STK32B: variants seen among roughly 807,000 people sequenced by gnomAD.
The protein encoded by STK32B is serine/threonine-protein kinase 32B.
STK32B carries 43 observed loss-of-function variants against 52.6 expected under a neutral mutation model. The ratio of observed to expected loss-of-function variants is 0.82; its 90% CI spans 0.64 to 1.05. STK32B has a LOEUF of 1.05. Ranked by LOEUF, STK32B falls within the 50% of genes least tolerant of loss-of-function variation. The pLI is 0.00. For missense variants in STK32B, 621 were observed against 534.6 expected (o/e 1.16, Z -1.59); for synonymous variants, 238 against 204.3 (o/e 1.17, Z -1.41).
chr4:5,263,186 AAG>A (rs1422292356), intron 3 of STK32B, among the ~76,000 whole-genome samples: 1 of 142,800 alleles, frequency 7.0e-6, no homozygotes, highest in Non-Finnish European at 1.5e-5. Context: ...GCAGTGAAAA[AAG>A]AGGGACCTCT....
intron 4 of STK32B, among the ~76,000 whole-genome samples, chr4:5,374,665 G>A (rs1384787347): frequency 6.6e-6 from 1 of 151,318 alleles, no homozygotes; most frequent in Non-Finnish European, 1.5e-5. Flanking sequence ...TTTTATAAGG[G>A]TATTAATCCA....
At chr4:5,357,343 T>C (rs1401522651) in intron 4 of STK32B, among the ~76,000 whole-genome samples, 1 of 133,468 alleles carries the variant, frequency 7.5e-6, no homozygotes, top group Non-Finnish European at 1.5e-5. Context: ...GAGTACGCTT[T>C]GAGCACTACC....
chr4:5,411,604 A>C (rs1269652757), intron 5 of STK32B, among the ~76,000 whole-genome samples: 1 of 152,242 alleles, frequency 6.6e-6, no homozygotes, highest in Admixed American at 6.5e-5. Context: ...GACATTTTAT[A>C]TAAAAGGCTT....
chr4:5,144,936 C>A (rs528941937), intron 2 of STK32B, among the ~76,000 whole-genome samples: 8 of 152,276 alleles, frequency 5.3e-5, no homozygotes, highest in African/African-American at 1.7e-4. Flanking sequence ...CAGATACATG[C>A]AGGAGGCAGA....
chr4:5,492,869 G>C (rs1216769534), intron 11 of STK32B, among the ~76,000 whole-genome samples: 1 of 150,828 alleles, frequency 6.6e-6, no homozygotes, highest in East Asian at 1.9e-4. Context: ...TTTATATGCT[G>C]GATTACATTT....
chr4:5,252,162 AT>A (rs1309672710), intron 3 of STK32B, among the ~76,000 whole-genome samples: 1 of 152,156 alleles, frequency 6.6e-6, no homozygotes, highest in Non-Finnish European at 1.5e-5. Flanking sequence ...CTGTGATGAG[AT>A]ACCTTTTCTA....
chr4:5,369,456 C>G (rs1385582477), intron 4 of STK32B, among the ~76,000 whole-genome samples: 2 of 152,120 alleles, frequency 1.3e-5, no homozygotes, highest in Non-Finnish European at 2.9e-5. Flanking sequence ...AGAGGGCAGG[C>G]AGCAGGCTCA....
At chr4:5,048,349 G>A (rs1741657135), upstream of STK32B, among the ~76,000 whole-genome samples, 2 of 145,102 alleles carry the variant, frequency 1.4e-5, no homozygotes, top group African/African-American at 5.2e-5. Context: ...TGCCCAGGCT[G>A]GAGTGCGATG....
chr4:5,442,449 C>T (rs1484596669), intron 6 of STK32B, among the ~76,000 whole-genome samples: 4 of 151,506 alleles, frequency 2.6e-5, no homozygotes, highest in South Asian at 2.2e-4. Context: ...TTGTTTTCCA[C>T]TGGCTTGGTA....
chr4:5,128,091 C>G (rs1715520580), intron 1 of STK32B, among the ~76,000 whole-genome samples: 1 of 152,160 alleles, frequency 6.6e-6, no homozygotes, highest in Admixed American at 6.5e-5. Flanking sequence ...AGCGTGAAAA[C>G]AGACTAATAC....
chr4:5,166,841 A>C (rs1210209072), intron 2 of STK32B, among the ~76,000 whole-genome samples: 2 of 152,056 alleles, frequency 1.3e-5, no homozygotes, highest in Non-Finnish European at 2.9e-5. Context: ...TAGCCCATAC[A>C]ATCCTTGCTA....
At chr4:5,490,894 G>C (rs1217776518) in intron 11 of STK32B, among the ~76,000 whole-genome samples, 1 of 152,110 alleles carries the variant, frequency 6.6e-6, no homozygotes, top group African/African-American at 2.4e-5. Context: ...CCCTACAAAG[G>C]ACATGAACTC....
intron 11 of STK32B, among the ~76,000 whole-genome samples, chr4:5,471,047 A>G (rs1206594050): frequency 6.6e-6 from 1 of 152,168 alleles, no homozygotes; most frequent in African/African-American, 2.4e-5. Context: ...CCTGCAGAAT[A>G]TGCAGGGGCA....
At chr4:5,362,270 A>G (rs1159735407) in intron 4 of STK32B, among the ~76,000 whole-genome samples, 1 of 152,236 alleles carries the variant, frequency 6.6e-6, no homozygotes, top group Non-Finnish European at 1.5e-5. Flanking sequence ...AGCCCCAGAC[A>G]TTGAATGAAT....
intron 11 of STK32B, among the ~76,000 whole-genome samples, chr4:5,476,148 C>G (rs1005194632): frequency 1.3e-5 from 2 of 152,104 alleles, no homozygotes; most frequent in Non-Finnish European, 2.9e-5. Context: ...GATCTGCCCA[C>G]CTCGGCCTCC....
Position 5,051,733 on chromosome 4 carries a change from C to T in STK32B, c.-131C>T. The T allele has an allele frequency of 3.1e-6, 4 of 1,288,434 alleles. No homozygotes were observed. The highest frequency in any genetic ancestry group is 3.2e-6 in the Non-Finnish European group (3 of 934,654). The allele number at this position is 1,288,434 out of a possible 1,614,324, so 79.8% of individuals were successfully genotyped here. On this transcript the variant is annotated 5_prime_UTR_variant, in exon 1 of 12. Coordinates refer to ENST00000282908, the MANE Select transcript of STK32B (RefSeq NM_018401.3). ...CCCGCCCCTGCACGGTGCTCGGCCCCCTCGGGCTCCGCGCGCGGCTACAAC... is the reference window on the plus strand; with the variant it reads ...CCCGCCCCTGCACGGTGCTCGGCCCTCTCGGGCTCCGCGCGCGGCTACAAC...
At chr4:5,457,467 G>A (rs1338859913) in intron 8 of STK32B, among the ~76,000 whole-genome samples, 2 of 150,934 alleles carry the variant, frequency 1.3e-5, no homozygotes, top group Admixed American at 6.6e-5. Context: ...CGCCAGCCTC[G>A]GCCTCCCAAA....
intron 3 of STK32B, among the ~76,000 whole-genome samples, chr4:5,326,271 G>C (rs1448721737): frequency 2.6e-5 from 4 of 152,182 alleles, no homozygotes; most frequent in Non-Finnish European, 5.9e-5. Context: ...TATTATGTTT[G>C]ATTCCTGTGT....
intron 6 of STK32B, among the ~76,000 whole-genome samples, chr4:5,443,390 T>A (rs1714990175): frequency 6.6e-6 from 1 of 152,144 alleles, no homozygotes; most frequent in Non-Finnish European, 1.5e-5. Flanking sequence ...TTCCAGTTGA[T>A]CGCATCGGCT....
Sources: allele counts gnomAD v4.1 joint callset (sites outside exome capture counted in the v4.1 genomes callset), GRCh38; gene constraint gnomAD v4.1.1; transcripts MANE v1.5; gene names NCBI Gene and HGNC (gene_info 2026-07-23, HGNC 2026-07-21).